Variants in IP6K3 observed in about 807,000 individuals in gnomAD.
The protein encoded by IP6K3 is ATP:1D-myo-inositol-hexakisphosphate phosphotransferase.
Under a neutral mutation model 28.8 loss-of-function variants are expected in IP6K3, and 20 were observed. The observed-to-expected ratio is 0.70, with a 90% CI of 0.49 to 1.01. IP6K3 has a LOEUF of 1.01. IP6K3 is among the 50% of genes least tolerant of loss of function. IP6K3 has a pLI of 0.00. For missense variants in IP6K3, 480 were observed against 537.1 expected (o/e 0.89, Z 1.05); for synonymous variants, 213 against 221.3 (o/e 0.96, Z 0.33).
Position 33,728,194 on chromosome 6 carries a change from C to T in IP6K3, c.306G>A (p.Ala102=), listed in dbSNP as rs144020753. The part of the protein sequence containing the change: ...QEPFKVSTES[A]AVAIWQTLQQ... ...GGAGCGTCTGCCATATGGCCACCGCCGCCGACTCTGTGGAGACCTTGAAGG... is the reference window on the plus strand; with the variant it reads ...GGAGCGTCTGCCATATGGCCACCGCTGCCGACTCTGTGGAGACCTTGAAGG... The change falls in exon 3 of 6, where the codon GCG becomes GCA. Residue 102 remains alanine (A), a synonymous_variant. Transcript: ENST00000293756. 56 of 1,613,882 alleles carry T rather than the reference C, an allele frequency of 3.5e-5. No homozygotes were observed. Among genetic ancestry groups the T allele is most frequent in the Middle Eastern group, 1.6e-4 (1 of 6,084 alleles).
rs1270960991 is a variant in IP6K3 at position 33,744,151 on chromosome 6, C to T, written c.-180+2607G>A. 6.6e-6 allele frequency among the ~76,000 whole-genome samples: 1 copy of T among 152,204 alleles called. No individual in the cohort carries two copies. Among genetic ancestry groups the T allele is most frequent in the Non-Finnish European group, 1.5e-5 (1 of 68,040 alleles). On this transcript the variant is annotated intron_variant, in intron 1 of 5. Coordinates refer to ENST00000293756, the MANE Select transcript of IP6K3 (RefSeq NM_054111.5). The surrounding 1 kb of genome is among the most constrained non-coding windows in gnomAD (Gnocchi z 4.4). ...ATCCTGACCCCTGGACACGCAGCTCCTCAGCCATGGTTAGCAACTGCTTTG... is the reference window on the plus strand; with the variant it reads ...ATCCTGACCCCTGGACACGCAGCTCTTCAGCCATGGTTAGCAACTGCTTTG...
chr6:33,752,399 G>A, the IP6K3 span, among the ~76,000 whole-genome samples: 1 of 152,338 alleles, frequency 6.6e-6, no homozygotes, highest in African/African-American at 2.4e-5. Flanking sequence ...GCACGAGGGG[G>A]AGACTGGGAG....
At chr6:33,750,268 A>C (rs558404125), upstream of IP6K3, among the ~76,000 whole-genome samples, 1 of 152,264 alleles carries the variant, frequency 6.6e-6, no homozygotes, top group African/African-American at 2.4e-5. The surrounding 1 kb of genome is among the most constrained non-coding windows in gnomAD (Gnocchi z 4.3). Flanking sequence ...CATTCTCCCC[A>C]GAGTGATGTT....
chr6:33,726,828 G>A lies in IP6K3; in HGVS notation c.492C>T (p.Asn164=). The change falls in exon 4 of 6, where the codon AAC becomes AAT. Residue 164 remains asparagine, a synonymous_variant. Coordinates refer to ENST00000293756, the MANE Select transcript of IP6K3 (RefSeq NM_054111.5). ...GGTTGAAGCTCTTCCTCTCAACCTGGTTTCCGTTGGTGTCTTCCACCAGCG... is the reference window on the plus strand; with the variant it reads ...GGTTGAAGCTCTTCCTCTCAACCTGATTTCCGTTGGTGTCTTCCACCAGCG... ...AFSLVEDTNG[N]QVERKSFNPW... 6.2e-7 allele frequency: 1 copy of A among 1,613,624 alleles called. No homozygotes were observed. The highest frequency in any genetic ancestry group is 8.5e-7 in the Non-Finnish European group (1 of 1,179,618).
intron 2 of IP6K3, among the ~76,000 whole-genome samples, chr6:33,733,233 T>G (rs1766379352): frequency 6.6e-6 from 1 of 152,260 alleles, no homozygotes; most frequent in Non-Finnish European, 1.5e-5. Flanking sequence ...TGGATACAAT[T>G]AGCTCTGACG....
At position 33,746,765 on chromosome 6, in the gene IP6K3, TC is replaced by T. The variant is rs752554583; in HGVS notation, c.-188del. On this transcript the variant is annotated 5_prime_UTR_variant, in exon 1 of 6. It removes the in-frame stop codon of an upstream open reading frame in the 5' UTR. Transcript: ENST00000293756. This position sits in a 1 kb window ranked among gnomAD's most constrained non-coding sequence, Gnocchi z 6.5. ...CTACAAGGCAGCACTCACCAGAGCT[TC>T]CTCCGAGATCGTGGGGAGTGTATGG... is the stretch of plus-strand genomic sequence containing the variant. 1 of 152,228 alleles carries T rather than the reference TC, an allele frequency of 6.6e-6. No individual in the cohort carries two copies. Among genetic ancestry groups the T allele is most frequent in the African/African-American group, 2.4e-5 (1 of 41,430 alleles). The allele number at this position is 152,228 out of a possible 1,614,324, so 9.4% of individuals were successfully genotyped here.
At chr6:33,726,675 G>A (rs1350171704) in intron 4 of IP6K3, 56 bp downstream of exon 4, 1 of 1,492,078 alleles carries the variant, frequency 6.7e-7, no homozygotes, top group Non-Finnish European at 9.1e-7. Context: ...CTGCCCCTCT[G>A]TGTCTCTCTG....
rs985552491 is a variant in IP6K3, at chr6:33,742,164, T to TC, written c.-180+4593dup. 6.6e-6 allele frequency among the ~76,000 whole-genome samples: 1 copy of TC among 152,146 alleles called. No individual in the cohort carries two copies. Among genetic ancestry groups the TC allele is most frequent in the African/African-American group, 2.4e-5 (1 of 41,432 alleles). The stretch of plus-strand genomic sequence containing the variant: ...GAGGGTCAGAATGGTTGCAGAGTTT[T>TC]CCCGGGGTCCAGAGCTATCAGGCAC... On this transcript the variant is annotated intron_variant, in intron 1 of 5. Coordinates refer to ENST00000293756, the MANE Select transcript of IP6K3 (RefSeq NM_054111.5). This position sits in a 1 kb window ranked among gnomAD's most constrained non-coding sequence, Gnocchi z 4.5.
At chr6:33,748,387 C>T (rs566628213), upstream of IP6K3, among the ~76,000 whole-genome samples, 3 of 152,186 alleles carry the variant, frequency 2.0e-5, no homozygotes, top group South Asian at 2.1e-4. Flanking sequence ...GGCCCTCACC[C>T]GCCAGCCATT....
chr6:33,748,141 G>T (rs115364305), upstream of IP6K3, among the ~76,000 whole-genome samples: 742 of 152,204 alleles, frequency 4.9e-3, 6 homozygotes, highest in African/African-American at 0.016. Flanking sequence ...CTCCTCTCTG[G>T]CCAGAGATGC....
At chr6:33,747,767 G>A (rs994295634), upstream of IP6K3, among the ~76,000 whole-genome samples, 2 of 152,206 alleles carry the variant, frequency 1.3e-5, no homozygotes, top group African/African-American at 4.8e-5. The surrounding 1 kb of genome is among the most constrained non-coding windows in gnomAD (Gnocchi z 5.2). Context: ...TCTGTCCTCA[G>A]CCTCTGGGAG....
intron 2 of IP6K3, among the ~76,000 whole-genome samples, chr6:33,732,172 G>C (rs545670460): frequency 6.6e-6 from 1 of 152,366 alleles, no homozygotes; most frequent in South Asian, 2.1e-4. Context: ...TGGCAGGAGA[G>C]GGATGCAGCC....
At chr6:33,752,202 C>T in the IP6K3 span, among the ~76,000 whole-genome samples, 2 of 152,238 alleles carry the variant, frequency 1.3e-5, no homozygotes, top group African/African-American at 4.8e-5. Flanking sequence ...CCCGTGTCTC[C>T]TTTGTCCCAC....
chr6:33,755,363 C>G, the IP6K3 span, among the ~76,000 whole-genome samples: 1 of 152,222 alleles, frequency 6.6e-6, no homozygotes, highest in Non-Finnish European at 1.5e-5. Flanking sequence ...GTTCACCTTC[C>G]CAGACTGGGG....
At chr6:33,751,602 G>C (rs1767023843), upstream of IP6K3, among the ~76,000 whole-genome samples, 1 of 151,926 alleles carries the variant, frequency 6.6e-6, no homozygotes. The surrounding 1 kb of genome is among the most constrained non-coding windows in gnomAD (Gnocchi z 4.3). Flanking sequence ...TAGGGGCAGA[G>C]GGCCGGCCCT....
intron 2 of IP6K3, 125 bp downstream of exon 2, chr6:33,735,153 G>T: frequency 1.4e-6 from 1 of 725,018 alleles, no homozygotes. Flanking sequence ...CCCGCTGGGA[G>T]AGGGGCGCGT....
chr6:33,723,330 A>G (rs533588447), intron 5 of IP6K3, 143 bp from the exon 6 acceptor site: 1 of 608,088 alleles, frequency 1.6e-6, no homozygotes, highest in East Asian at 2.8e-5. Flanking sequence ...AATGAGCAGA[A>G]GATGATCTTC....
At chr6:33,731,175 C>A (rs549927860) in intron 2 of IP6K3, among the ~76,000 whole-genome samples, 2 of 152,284 alleles carry the variant, frequency 1.3e-5, no homozygotes, top group South Asian at 4.1e-4. Flanking sequence ...CCGAGGCCTC[C>A]TAGCTGCCTG....
At chr6:33,748,431 C>T (rs1340889140), upstream of IP6K3, among the ~76,000 whole-genome samples, 1 of 152,012 alleles carries the variant, frequency 6.6e-6, no homozygotes, top group African/African-American at 2.4e-5. Context: ...CACTTCAACG[C>T]TCAGCACAGC....
Sources: gnomAD v4.1 joint callset for allele counts (sites outside exome capture counted in the v4.1 genomes callset) on GRCh38, gnomAD v4.1.1 for gene constraint, Gnocchi (gnomAD v3.1) non-coding constraint, MANE v1.5 for transcripts, NCBI Gene and HGNC (gene_info 2026-07-23, HGNC 2026-07-21) for gene names.